Variants in CD163L1 observed in about 807,000 individuals in gnomAD.
The protein encoded by CD163L1 is scavenger receptor cysteine-rich type 1 protein M160.
In CD163L1, 124 loss-of-function variants were observed where a neutral mutation model predicts 165.4. The observed-to-expected ratio is 0.75, with a 90% CI of 0.65 to 0.87. The LOEUF (loss-of-function observed/expected upper bound fraction) is 0.87. Among genes scored for constraint, CD163L1 ranks in the 40% least tolerant of loss-of-function variants. The pLI, the probability that CD163L1 is intolerant of heterozygous loss-of-function variation, is 0.00. For missense variants in CD163L1, 1,525 were observed against 1,799.9 expected (o/e 0.85, Z 2.76); for synonymous variants, 585 against 662.2 (o/e 0.88, Z 1.79).
chr12:7,412,878 C>T (rs1044181253), intron 4 of CD163L1, among the ~76,000 whole-genome samples: 1 of 151,686 alleles, frequency 6.6e-6, no homozygotes, highest in African/African-American at 2.4e-5. Context: ...GGGTAGATCA[C>T]GAGGTCAGGA....
chr12:7,433,479 C>G lies in CD163L1; in HGVS notation c.340G>C (p.Asp114His). 1 of 1,614,146 alleles carries G rather than the reference C, an allele frequency of 6.2e-7. No homozygotes were observed. The highest frequency in any genetic ancestry group is 8.5e-7 in the Non-Finnish European group (1 of 1,180,008). ...VTRHGKIWLD[D>H]VSCYGNESAL... The stretch of plus-strand genomic sequence containing the variant: ...GACTCATTTCCATAACAGGAAACAT[C>G]ATCAAGCCAAATTTTTCCATGTCTA... Residue 114 changes from aspartate (D) to histidine (H), a missense_variant, in exon 3 of 20, where the codon GAT becomes CAT. Asp to His is a moderately conservative substitution (Grantham distance 81, BLOSUM62 -1). Coordinates refer to ENST00000313599, the MANE Select transcript of CD163L1 (RefSeq NM_174941.6).
chr12:7,343,165 C>T (rs1946648635), downstream of CD163L1, among the ~76,000 whole-genome samples: 1 of 152,018 alleles, frequency 6.6e-6, no homozygotes, highest in South Asian at 2.1e-4. Flanking sequence ...AATATCTGAA[C>T]TGGAGTTATG....
chr12:7,382,588 A>G (rs1947434419), intron 8 of CD163L1, among the ~76,000 whole-genome samples: 1 of 152,282 alleles, frequency 6.6e-6, no homozygotes, highest in East Asian at 1.9e-4. Context: ...GGCCCTTGCA[A>G]TCCTAGCCAT....
At position 7,398,298 on chromosome 12, in the gene CD163L1, A is replaced by C. The variant is rs1482265312; in HGVS notation, c.1695T>G (p.Cys565Trp). ...CEHSGWGKHNCVHREDVIVTC... is the reference protein window; with the variant it reads ...CEHSGWGKHNWVHREDVIVTC... ...TTACAATCACATCCTCTCTGTGTAC[A>C]CAATTATGCTTTCCCCATCCACTGT... The change falls in exon 7 of 20, where the codon TGT becomes TGG. Residue 565 changes from cysteine to tryptophan, a missense_variant. Coordinates refer to ENST00000313599, the MANE Select transcript of CD163L1 (RefSeq NM_174941.6). This position sits in a 1 kb window ranked among gnomAD's most constrained non-coding sequence, Gnocchi z 4.5. The C allele has an allele frequency of 6.2e-7, 1 of 1,614,108 alleles. No individual in the cohort carries two copies.
chr12:7,404,591 T>C (rs1272523335), intron 5 of CD163L1, among the ~76,000 whole-genome samples: 1 of 152,200 alleles, frequency 6.6e-6, no homozygotes, highest in Admixed American at 6.5e-5. Context: ...GGAGAACTTT[T>C]CTTGAAATAA....
chr12:7,394,452 T>C (rs979199469), intron 8 of CD163L1, among the ~76,000 whole-genome samples: 1 of 152,102 alleles, frequency 6.6e-6, no homozygotes, highest in Non-Finnish European at 1.5e-5. Flanking sequence ...TCAAGATGAA[T>C]TAAAGACTTC....
At position 7,432,776 on chromosome 12, in the gene CD163L1, A is replaced by G. The variant is rs1351763758; in HGVS notation, c.446-40T>C. On this transcript the variant is annotated intron_variant, in intron 3 of 19. Transcript: ENST00000313599. This position sits in a 1 kb window ranked among gnomAD's most constrained non-coding sequence, Gnocchi z 4.2. ...AGCAGACATATGAAAAACTGATTCA[A>G]CTTTGAGCCTGAAATAAAATCAAAA... is the stretch of plus-strand genomic sequence containing the variant. 3.3e-6 allele frequency: 5 copies of G among 1,502,216 alleles called. No individual in the cohort carries two copies. In the African/African-American group the frequency reaches 5.6e-5, roughly 17 times the overall value. 93.1% of individuals were successfully genotyped at this position (1,502,216 alleles called of 1,614,324 possible).
At chr12:7,378,887 A>G in intron 9 of CD163L1, 91 bp downstream of exon 9, 1 of 1,196,020 alleles carries the variant, frequency 8.4e-7, no homozygotes, top group Non-Finnish European at 1.2e-6. Flanking sequence ...TTTTGACCTA[A>G]TACTGTTAAA....
At chr12:7,329,656 C>A in the CD163L1 span, among the ~76,000 whole-genome samples, 9,268 of 150,662 alleles carry the variant, frequency 0.062, 382 homozygotes, top group East Asian at 0.17. Flanking sequence ...AAAAGAAAAA[C>A]CTAAAGGGGG....
the CD163L1 span, among the ~76,000 whole-genome samples, chr12:7,328,930 CAT>C: frequency 6.7e-5 from 10 of 148,942 alleles, no homozygotes; most frequent in East Asian, 3.9e-4. Context: ...TATATATACA[CAT>C]ATGTGTATAT....
the CD163L1 span, among the ~76,000 whole-genome samples, chr12:7,320,139 G>T: frequency 6.6e-6 from 1 of 152,148 alleles, no homozygotes; most frequent in Non-Finnish European, 1.5e-5. Flanking sequence ...AGAAGGAGGA[G>T]CTCTAAAACA....
rs1327688432 is a variant in CD163L1, at chr12:7,347,919, CAT to C, written c.*25-774_*25-773del. On this transcript the variant is annotated intron_variant, in intron 4 of 4. Coordinates refer to the CD163L1 transcript ENST00000539726. This position sits in a 1 kb window ranked among gnomAD's most constrained non-coding sequence, Gnocchi z 4.2. ...GCATTGAACTATTATTGAGTTTCCA[CAT>C]GAGCTTCACATGTCATTCAAATGTC... is the stretch of plus-strand genomic sequence containing the variant. 3.9e-5 allele frequency among the ~76,000 whole-genome samples: 6 copies of C among 152,198 alleles called. No homozygotes were observed. The highest frequency in any genetic ancestry group is 4.4e-5 in the Non-Finnish European group (3 of 68,036).
the CD163L1 span, among the ~76,000 whole-genome samples, chr12:7,340,796 T>G: frequency 6.6e-6 from 1 of 152,144 alleles, no homozygotes; most frequent in African/African-American, 2.4e-5. Flanking sequence ...CCAAGAGCAT[T>G]TCAGAGAGTT....
intron 8 of CD163L1, among the ~76,000 whole-genome samples, chr12:7,385,066 T>TA (rs1247629035): frequency 7.3e-5 from 11 of 151,648 alleles, no homozygotes; most frequent in East Asian, 1.9e-4. Flanking sequence ...CTGAATGGAT[T>TA]AAAAAAAACA....
At chr12:7,341,368 A>G in the CD163L1 span, among the ~76,000 whole-genome samples, 5 of 152,236 alleles carry the variant, frequency 3.3e-5, no homozygotes, top group Non-Finnish European at 5.9e-5. Context: ...AATTGCAAAG[A>G]AAGAGTTGAC....
At chr12:7,440,360 C>A (rs909738508) in intron 2 of CD163L1, among the ~76,000 whole-genome samples, 14 of 151,526 alleles carry the variant, frequency 9.2e-5, no homozygotes, top group African/African-American at 2.7e-4. Flanking sequence ...GCCATCCCCC[C>A]ACCGCCGCAC....
intron 4 of CD163L1, among the ~76,000 whole-genome samples, chr12:7,421,057 G>GTATATATACGTA (rs772067194): frequency 3.8e-5 from 3 of 79,398 alleles, no homozygotes; most frequent in Admixed American, 1.9e-4. Context: ...ATGTATATAC[G>GTATATATACGTA]TATATATGTA....
the CD163L1 span, among the ~76,000 whole-genome samples, chr12:7,335,430 G>C: frequency 6.6e-6 from 1 of 152,172 alleles, no homozygotes; most frequent in Admixed American, 6.5e-5. Flanking sequence ...GGGAAAAACT[G>C]GCTAGCCATA....
chr12:7,428,567 G>T (rs1948581640), intron 4 of CD163L1, among the ~76,000 whole-genome samples: 1 of 151,938 alleles, frequency 6.6e-6, no homozygotes, highest in South Asian at 2.1e-4. Flanking sequence ...CCAGTATTTT[G>T]ATATGATTTA....
Sources: gnomAD v4.1 joint callset for allele counts (sites outside exome capture counted in the v4.1 genomes callset) on GRCh38, gnomAD v4.1.1 for gene constraint, Gnocchi (gnomAD v3.1) non-coding constraint, MANE v1.5 for transcripts, NCBI Gene and HGNC (gene_info 2026-07-23, HGNC 2026-07-21) for gene names.